Variants in SLC1A2 observed in about 807,000 individuals in gnomAD.
The protein encoded by SLC1A2 is solute carrier family 1 member 2, also known as excitatory amino acid transporter 2.
In SLC1A2, 15 loss-of-function variants were observed where a neutral mutation model predicts 48.8. That is an observed-to-expected ratio of 0.31 (90% confidence interval 0.21 to 0.47). SLC1A2 has a LOEUF of 0.47. Ranked by LOEUF, SLC1A2 falls within the 20% of genes least tolerant of loss-of-function variation. The probability of loss-of-function intolerance (pLI) is 0.99; values close to 1 mark genes in which losing one functional copy is unlikely to be tolerated. For missense variants in SLC1A2, 502 were observed against 730.5 expected (o/e 0.69, Z 3.61); for synonymous variants, 279 against 272.6 (o/e 1.02, Z -0.23).
intron 1 of SLC1A2, among the ~76,000 whole-genome samples, chr11:35,358,374 TG>T (rs1853558147): frequency 6.6e-6 from 1 of 152,212 alleles, no homozygotes; most frequent in Admixed American, 6.5e-5. Context: ...ATATTAATCA[TG>T]TTTTTAAAAG....
Position 35,312,204 on chromosome 11 carries a change from A to T in SLC1A2, c.555T>A (p.Phe185Leu), listed in dbSNP as rs751782700. The change falls in exon 4 of 11, where the codon TTT becomes TTA. Residue 185 changes from phenylalanine to leucine, a missense_variant. Around this residue, in one of 4 missense-constraint regions of SLC1A2, gnomAD observed 309 missense variants for 480.3 expected, o/e 0.64. Coordinates refer to ENST00000278379, the MANE Select transcript of SLC1A2 (RefSeq NM_004171.4). ...CATCTGAACTCTGGGTTACCTGTTGAAAGCAGGCTTGGACAAGGTTTTCAG... is the reference window on the plus strand; with the variant it reads ...CATCTGAACTCTGGGTTACCTGTTGTAAGCAGGCTTGGACAAGGTTTTCAG... ...LFPENLVQAC[F>L]QQIQTVTKKV... 6.2e-7 allele frequency: 1 copy of T among 1,614,070 alleles called. No homozygotes were observed. Among genetic ancestry groups the T allele is most frequent in the Admixed American group, 1.7e-5 (1 of 60,020 alleles).
In SLC1A2 at chr11:35,346,608, C is replaced by A. The variant is rs528717149; in HGVS notation, c.18-29092G>T. Among the ~76,000 whole-genome samples, 8 of 152,326 alleles carry A rather than the reference C, an allele frequency of 5.3e-5. No homozygotes were observed. The South Asian group carries it at 1.0e-3, about 20-fold the overall frequency. ...AAACAGACTGTAGGCTCTTTGAGGG[C>A]AGGTTCACGTCATATACGCCAGGGA... On this transcript the variant is annotated intron_variant, in intron 1 of 10. Coordinates refer to ENST00000278379, the MANE Select transcript of SLC1A2 (RefSeq NM_004171.4).
chr11:35,381,643 C>T (rs1854426575), intron 1 of SLC1A2, among the ~76,000 whole-genome samples: 1 of 152,148 alleles, frequency 6.6e-6, no homozygotes, highest in East Asian at 1.9e-4. Context: ...AAGCCACAGC[C>T]TGTCCACTCA....
chr11:35,310,302 A>C lies in SLC1A2; in HGVS notation c.561+1896T>G, dbSNP rs2134854969. 2.0e-5 allele frequency among the ~76,000 whole-genome samples: 3 copies of C among 152,308 alleles called. 1 individual carries two copies. The Middle Eastern group carries it at 0.01, about 518-fold the overall frequency. Reference sequence around the variant, plus strand: ...CCAGAATGCTCTTTCCAAAATGTTAAGAATGGATAGCACCCAATCGTGTCT... The same window carrying C: ...CCAGAATGCTCTTTCCAAAATGTTACGAATGGATAGCACCCAATCGTGTCT... On this transcript the variant is annotated intron_variant, in intron 4 of 10. Coordinates refer to ENST00000278379, the MANE Select transcript of SLC1A2 (RefSeq NM_004171.4).
chr11:35,254,763 T>G lies in SLC1A2; in HGVS notation c.*6131A>C, dbSNP rs1282003423. The stretch of plus-strand genomic sequence containing the variant: ...GTCAACTTCTGACTCTACAAAGCAG[T>G]GAGGTCTGTTCCAATAGCTGGTTTT... On this transcript the variant is annotated 3_prime_UTR_variant, in exon 11 of 11. Transcript: ENST00000278379. 2.2e-6 allele frequency: 1 copy of G among 455,974 alleles called. No homozygotes were observed. The highest frequency in any genetic ancestry group is 4.4e-6 in the Non-Finnish European group (1 of 226,864). The allele number at this position is 455,974 out of a possible 1,614,324, so 28.2% of individuals were successfully genotyped here.
intron 1 of SLC1A2, among the ~76,000 whole-genome samples, chr11:35,395,557 C>T (rs1417228711): frequency 6.6e-6 from 1 of 152,072 alleles, no homozygotes; most frequent in Non-Finnish European, 1.5e-5. Context: ...GCAGGCAAGT[C>T]TCCTAAAGCT....
At chr11:35,297,688 C>T (rs908682977) in intron 6 of SLC1A2, 17 of 151,852 alleles carry the variant, frequency 1.1e-4, no homozygotes, top group Admixed American at 2.6e-4. Context: ...AATGAGGATA[C>T]GAAAATCATA....
chr11:35,281,440 G>A (rs935582118), intron 8 of SLC1A2, among the ~76,000 whole-genome samples: 1 of 152,168 alleles, frequency 6.6e-6, no homozygotes, highest in Non-Finnish European at 1.5e-5. Flanking sequence ...TGTGGCAAGG[G>A]TCTAAGAAGG....
At chr11:35,314,960 T>C (rs1851824197) in intron 3 of SLC1A2, 63 bp downstream of exon 3, 4 of 1,199,954 alleles carry the variant, frequency 3.3e-6, no homozygotes, top group Non-Finnish European at 4.9e-6. Context: ...GATTCTACAG[T>C]TAATTAAAAG....
chr11:35,327,566 C>T lies in SLC1A2; in HGVS notation c.18-10050G>A, dbSNP rs144949738. Among the ~76,000 whole-genome samples the T allele has an allele frequency of 2.2e-3, 342 of 152,318 alleles. 5 individuals carry two copies. The highest frequency in any genetic ancestry group is 2.6e-3 in the Non-Finnish European group (178 of 68,036). On this transcript the variant is annotated intron_variant, in intron 1 of 10. Transcript: ENST00000278379. ...ACAGCAAAGAACTCTCATACATTTC[C>T]TTTCTTGTCTTCCATAACAGGAACC...
chr11:35,351,713 A>G (rs897948679), intron 1 of SLC1A2, among the ~76,000 whole-genome samples: 1 of 152,056 alleles, frequency 6.6e-6, no homozygotes, highest in Admixed American at 6.6e-5. Context: ...TCGGCTCACT[A>G]CAACCCTCTC....
At chr11:35,314,967 A>G in intron 3 of SLC1A2, 56 bp downstream of exon 3, 1 of 1,315,964 alleles carries the variant, frequency 7.6e-7, no homozygotes, top group East Asian at 2.3e-5. Flanking sequence ...CAGTTAATTA[A>G]AAGCCAGGGC....
chr11:35,361,392 T>C (rs1196404426), intron 1 of SLC1A2, among the ~76,000 whole-genome samples: 1 of 152,234 alleles, frequency 6.6e-6, no homozygotes, highest in Non-Finnish European at 1.5e-5. Flanking sequence ...TATAGATGTA[T>C]GGATTTATTG....
intron 1 of SLC1A2, among the ~76,000 whole-genome samples, chr11:35,324,352 T>C (rs949994471): frequency 3.9e-5 from 6 of 152,228 alleles, no homozygotes; most frequent in African/African-American, 2.4e-5. Flanking sequence ...CATAATTACA[T>C]GGCCATTGAT....
At chr11:35,293,768 C>G (rs1851082205) in intron 6 of SLC1A2, among the ~76,000 whole-genome samples, 1 of 152,108 alleles carries the variant, frequency 6.6e-6, no homozygotes, top group Non-Finnish European at 1.5e-5. Context: ...GCAATTGTGC[C>G]TGGAGCAAAC....
chr11:35,339,442 G>A (rs3847620), intron 1 of SLC1A2, among the ~76,000 whole-genome samples: 29,405 of 152,108 alleles, frequency 0.19, 3,154 homozygotes, highest in Middle Eastern at 0.27. Context: ...GCAGTGCAGG[G>A]TATGGAAACA....
rs566022754 is a variant in SLC1A2, at chr11:35,259,513, A to C, written c.*1381T>G. 24 of 152,612 alleles carry C rather than the reference A, an allele frequency of 1.6e-4. No homozygotes were observed. The highest frequency in any genetic ancestry group is 5.8e-4 in the African/African-American group (24 of 41,578). 9.5% of individuals were successfully genotyped at this position (152,612 alleles called of 1,614,324 possible). A position where few individuals can be genotyped will look rare whatever the true frequency, so the allele number is the denominator to read the frequency against. On this transcript the variant is annotated 3_prime_UTR_variant, in exon 11 of 11. Coordinates refer to ENST00000278379, the MANE Select transcript of SLC1A2 (RefSeq NM_004171.4). ...ATCATTAAGGATTTGTTGGCTGCCT[A>C]CTGCATGCAAGGCACTGTGCTACAC... is the stretch of plus-strand genomic sequence containing the variant.
intron 7 of SLC1A2, 23 bp from the exon 8 acceptor site, chr11:35,286,974 A>G (rs995756962): frequency 1.9e-6 from 3 of 1,597,910 alleles, no homozygotes; most frequent in Non-Finnish European, 2.6e-6. Context: ...AGAAAGAGAG[A>G]GACAGGGTTA....
intron 9 of SLC1A2, among the ~76,000 whole-genome samples, chr11:35,275,378 T>G (rs1463994987): frequency 6.6e-6 from 1 of 152,226 alleles, no homozygotes; most frequent in Non-Finnish European, 1.5e-5. Context: ...ATTTATTACC[T>G]CTTCCTGGTA....
Sources: allele counts gnomAD v4.1 joint callset (sites outside exome capture counted in the v4.1 genomes callset), GRCh38; gene constraint gnomAD v4.1.1; regional missense constraint gnomAD v4.1.1; transcripts MANE v1.5; gene names NCBI Gene and HGNC (gene_info 2026-07-23, HGNC 2026-07-21).